The following LRRTM4 variants were observed in gnomAD, a reference collection of about 807,000 sequenced individuals.
The protein encoded by LRRTM4 is leucine-rich repeat transmembrane neuronal protein 4.
LRRTM4 carries 25 observed loss-of-function variants against 47.6 expected under a neutral mutation model. That is an observed-to-expected ratio of 0.53 (90% confidence interval 0.38 to 0.73). The LOEUF is 0.73. LRRTM4 is among the 30% of genes least tolerant of loss of function. The probability of loss-of-function intolerance (pLI) is 0.00; values close to 1 mark genes in which losing one functional copy is unlikely to be tolerated. For synonymous variants in LRRTM4, 311 were observed against 269.5 expected (o/e 1.15, Z -1.51); for missense variants, 638 against 713.4 (o/e 0.89, Z 1.20).
intron 3 of LRRTM4, among the ~76,000 whole-genome samples, chr2:77,389,952 T>C (rs1250979582): frequency 1.3e-5 from 2 of 152,048 alleles, no homozygotes; most frequent in African/African-American, 4.8e-5. Flanking sequence ...AGTGCTACCC[T>C]TAAATCTGGT....
intron 3 of LRRTM4, among the ~76,000 whole-genome samples, chr2:77,188,505 C>T (rs901403075): frequency 6.6e-6 from 1 of 152,138 alleles, no homozygotes; most frequent in African/African-American, 2.4e-5. Flanking sequence ...CTAATACCTT[C>T]TACATGTATA....
chr2:77,190,589 C>G (rs1269117753), intron 3 of LRRTM4, among the ~76,000 whole-genome samples: 1 of 151,976 alleles, frequency 6.6e-6, no homozygotes, highest in East Asian at 1.9e-4. Context: ...CGTGCACCAC[C>G]GCACCCAGCC....
intron 3 of LRRTM4, among the ~76,000 whole-genome samples, chr2:76,902,937 G>A (rs1673692042): frequency 6.6e-6 from 1 of 152,180 alleles, no homozygotes; most frequent in African/African-American, 2.4e-5. Context: ...GGGACTCTGA[G>A]TAACTTTTTA....
intron 3 of LRRTM4, among the ~76,000 whole-genome samples, chr2:76,761,129 G>T (rs1673237832): frequency 6.6e-6 from 1 of 152,244 alleles, no homozygotes; most frequent in African/African-American, 2.4e-5. Flanking sequence ...TTTGCCTAAA[G>T]ATGTAGGCCC....
At chr2:76,765,248 CAGCT>C (rs1469597816) in intron 3 of LRRTM4, among the ~76,000 whole-genome samples, 3 of 152,130 alleles carry the variant, frequency 2.0e-5, no homozygotes, top group African/African-American at 7.2e-5. Context: ...TCTCAGTTCA[CAGCT>C]AGAGAGAAAT....
intron 3 of LRRTM4, among the ~76,000 whole-genome samples, chr2:76,876,311 A>T (rs576639143): frequency 1.3e-5 from 2 of 152,284 alleles, no homozygotes; most frequent in African/African-American, 2.4e-5. Flanking sequence ...ATAATGCTGA[A>T]TTTCAGAAGC....
At chr2:77,047,693 C>A (rs1050864787) in intron 3 of LRRTM4, among the ~76,000 whole-genome samples, 4 of 152,020 alleles carry the variant, frequency 2.6e-5, no homozygotes, top group African/African-American at 9.7e-5. Context: ...TTTATCTTAA[C>A]ATATTACATC....
At chr2:77,041,549 C>G (rs1357052389) in intron 3 of LRRTM4, among the ~76,000 whole-genome samples, 1 of 151,376 alleles carries the variant, frequency 6.6e-6, no homozygotes, top group Non-Finnish European at 1.5e-5. Flanking sequence ...AGAATTTGCC[C>G]TTCTCCACAT....
chr2:76,797,341 C>T (rs1347240341), intron 3 of LRRTM4, among the ~76,000 whole-genome samples: 2 of 151,920 alleles, frequency 1.3e-5, no homozygotes, highest in East Asian at 3.9e-4. Context: ...ATTTTCAACC[C>T]AGAATTGCAT....
chr2:77,037,115 G>A (rs1253675229), intron 3 of LRRTM4, among the ~76,000 whole-genome samples: 4 of 151,586 alleles, frequency 2.6e-5, no homozygotes, highest in African/African-American at 4.8e-5. Flanking sequence ...GCAACTGGAC[G>A]GGGTTCCACT....
chr2:76,860,247 C>T (rs10202468), intron 3 of LRRTM4, among the ~76,000 whole-genome samples: 3,779 of 152,208 alleles, frequency 0.025, 148 homozygotes, highest in African/African-American at 0.086. Flanking sequence ...ATTGCAAAGA[C>T]ATGTTACTTT....
chr2:76,949,979 T>C (rs1254345722), intron 3 of LRRTM4, among the ~76,000 whole-genome samples: 1 of 151,646 alleles, frequency 6.6e-6, no homozygotes, highest in African/African-American at 2.4e-5. Context: ...ACAAAATATA[T>C]AAAACTGGTG....
chr2:77,159,991 C>T (rs1329449629), intron 3 of LRRTM4, among the ~76,000 whole-genome samples: 1 of 151,818 alleles, frequency 6.6e-6, no homozygotes, highest in Non-Finnish European at 1.5e-5. Flanking sequence ...CTGTCTTACA[C>T]TGGTTTGGAA....
chr2:77,226,538 C>CATATATATATATAT (rs60188707), intron 3 of LRRTM4, among the ~76,000 whole-genome samples: 42 of 144,106 alleles, frequency 2.9e-4, no homozygotes, highest in East Asian at 1.2e-3. Flanking sequence ...AAATTATATA[C>CATATATATATATAT]ATATATATAT....
At chr2:76,804,461 A>G (rs1675859812) in intron 3 of LRRTM4, among the ~76,000 whole-genome samples, 1 of 151,974 alleles carries the variant, frequency 6.6e-6, no homozygotes, top group Non-Finnish European at 1.5e-5. Flanking sequence ...AGGACTGGAT[A>G]AATAAGTTAT....
intron 3 of LRRTM4, among the ~76,000 whole-genome samples, chr2:77,246,535 A>G (rs1233301321): frequency 6.6e-6 from 1 of 152,166 alleles, no homozygotes; most frequent in African/African-American, 2.4e-5. Flanking sequence ...TAAATGCTCA[A>G]TAGCCACATG....
chr2:77,384,020 A>G lies in LRRTM4; in HGVS notation c.1551+134298T>C, dbSNP rs192778892. ...CAGATACATTTGAATAAGTAAGGCT[A>G]ACAGAATATTTTATTATCACTCTTA... On this transcript the variant is annotated intron_variant, in intron 3 of 3. Coordinates refer to ENST00000409884, the MANE Select transcript of LRRTM4 (RefSeq NM_001134745.3). Among the ~76,000 whole-genome samples, 269 of 152,284 alleles carry G rather than the reference A, an allele frequency of 1.8e-3. 4 individuals are homozygous for G. The highest frequency in any genetic ancestry group is 1.6e-3 in the Non-Finnish European group (110 of 67,986).
chr2:76,787,866 C>A (rs1305946908), intron 3 of LRRTM4, among the ~76,000 whole-genome samples: 1 of 152,114 alleles, frequency 6.6e-6, no homozygotes, highest in Non-Finnish European at 1.5e-5. Context: ...AATTTGTGCT[C>A]CTTTGACTTC....
At chr2:77,337,686 G>C (rs1671216781) in intron 3 of LRRTM4, among the ~76,000 whole-genome samples, 1 of 152,040 alleles carries the variant, frequency 6.6e-6, no homozygotes. Flanking sequence ...GGCTTCCCCA[G>C]CCATGCAGAA....
Sources: allele counts gnomAD v4.1 joint callset (sites outside exome capture counted in the v4.1 genomes callset), GRCh38; gene constraint gnomAD v4.1.1; transcripts MANE v1.5; gene names NCBI Gene and HGNC (gene_info 2026-07-23, HGNC 2026-07-21).